Variants in PPP1R13B observed in about 807,000 individuals in gnomAD.
The protein encoded by PPP1R13B is apoptosis-stimulating of p53 protein 1.
PPP1R13B carries 44 observed loss-of-function variants against 119.8 expected under a neutral mutation model. That is an observed-to-expected ratio of 0.37 (90% CI 0.29 to 0.47). The LOEUF is 0.47. Among genes scored for constraint, PPP1R13B ranks in the 20% least tolerant of loss-of-function variants. PPP1R13B has a pLI of 0.99. For missense variants in PPP1R13B, 1,227 were observed against 1,413.5 expected (o/e 0.87, Z 2.12); for synonymous variants, 542 against 561.5 (o/e 0.97, Z 0.49).
intron 1 of PPP1R13B, among the ~76,000 whole-genome samples, chr14:103,819,611 C>T (rs988559218): frequency 4.0e-5 from 6 of 151,614 alleles, no homozygotes; most frequent in East Asian, 1.9e-4. Flanking sequence ...AGAGGTAATG[C>T]AAAATAGAAC....
At chr14:103,798,152 C>CTT (rs768163941) in intron 1 of PPP1R13B, among the ~76,000 whole-genome samples, 13,374 of 129,104 alleles carry the variant, frequency 0.1, 1,209 homozygotes, top group African/African-American at 0.21. Flanking sequence ...ATAATAATCT[C>CTT]TTTTTTTTTT....
intron 1 of PPP1R13B, among the ~76,000 whole-genome samples, chr14:103,801,171 T>C (rs527382114): frequency 1.3e-5 from 2 of 152,230 alleles, no homozygotes; most frequent in South Asian, 4.1e-4. Flanking sequence ...TTTCTAAAAG[T>C]CAAATAAAGT....
intron 3 of PPP1R13B, among the ~76,000 whole-genome samples, chr14:103,782,783 T>C (rs980713702): frequency 2.6e-5 from 4 of 152,108 alleles, no homozygotes; most frequent in African/African-American, 7.2e-5. Flanking sequence ...TGTGTGTGTA[T>C]ATATTTTTTC....
intron 2 of PPP1R13B, among the ~76,000 whole-genome samples, chr14:103,795,176 G>A (rs775938788): frequency 1.1e-4 from 17 of 152,108 alleles, no homozygotes; most frequent in Admixed American, 1.3e-4. Context: ...GGCTTCAAGT[G>A]ATCCACCCGC....
rs2084160751 is a variant in PPP1R13B, at chr14:103,738,179, ATGTG to A, written c.2865-323_2865-320del. ...TAGCTAAGATGTGAAATTTTATGTT[ATGTG>A]TATTTTACCACGATTCAAATGCAGC... On this transcript the variant is annotated intron_variant, in intron 14 of 16. Transcript: ENST00000202556. This position sits in a 1 kb window ranked among gnomAD's most constrained non-coding sequence, Gnocchi z 5.6. 6.6e-6 allele frequency among the ~76,000 whole-genome samples: 1 copy of A among 152,244 alleles called. No individual in the cohort carries two copies. Among genetic ancestry groups the A allele is most frequent in the African/African-American group, 2.4e-5 (1 of 41,470 alleles).
At chr14:103,746,646 A>ACT in intron 8 of PPP1R13B, 93 bp from the exon 9 acceptor site, 1 of 1,172,852 alleles carries the variant, frequency 8.5e-7, no homozygotes, top group Non-Finnish European at 1.2e-6. Context: ...GACAGAAAGC[A>ACT]CTCACTCAGT....
Position 103,740,251 on chromosome 14 carries a change from A to G in PPP1R13B, c.2165T>C (p.Ile722Thr). Reference sequence around the variant, plus strand: ...GAAGCGCTGGTACAGCAGCTTCTGGATGTTGGGCCCGCCGGGGCCCTCGGG... The same window carrying G: ...GAAGCGCTGGTACAGCAGCTTCTGGGTGTTGGGCCCGCCGGGGCCCTCGGG... ...TEPEGPGGPN[I>T]QKLLYQRFNT... Residue 722 changes from isoleucine (I) to threonine (T), a missense_variant, in exon 12 of 17, where the codon ATC (isoleucine) becomes ACC (threonine). Coordinates refer to ENST00000202556, the MANE Select transcript of PPP1R13B (RefSeq NM_015316.3). This position sits in a 1 kb window ranked among gnomAD's most constrained non-coding sequence, Gnocchi z 4.6. 1.9e-6 allele frequency: 3 copies of G among 1,606,772 alleles called. No individual in the cohort carries two copies. Among genetic ancestry groups the G allele is most frequent in the Non-Finnish European group, 2.6e-6 (3 of 1,175,506 alleles).
intron 3 of PPP1R13B, among the ~76,000 whole-genome samples, chr14:103,781,813 G>C (rs1370351619): frequency 2.0e-5 from 3 of 152,012 alleles, no homozygotes; most frequent in Admixed American, 6.6e-5. Context: ...CACCACACTC[G>C]GCTAATTTTT....
intron 1 of PPP1R13B, among the ~76,000 whole-genome samples, chr14:103,837,885 A>G (rs1326748351): frequency 6.6e-5 from 10 of 152,130 alleles, no homozygotes; most frequent in Non-Finnish European, 1.5e-5. Flanking sequence ...TTGGGAGGCC[A>G]AGGCAGACAG....
intron 15 of PPP1R13B, 162 bp downstream of exon 15, chr14:103,737,532 C>T (rs912894349): frequency 2.9e-5 from 27 of 915,558 alleles, no homozygotes; most frequent in African/African-American, 1.2e-4. Flanking sequence ...GCCATGATTG[C>T]GACATTGCAC....
chr14:103,835,494 G>C (rs1488512397), intron 1 of PPP1R13B, among the ~76,000 whole-genome samples: 1 of 149,896 alleles, frequency 6.7e-6, no homozygotes, highest in Non-Finnish European at 1.5e-5. Context: ...ACAGTGGTGT[G>C]ATCATACCTC....
At chr14:103,773,851 A>G (rs977636167) in intron 4 of PPP1R13B, among the ~76,000 whole-genome samples, 2 of 152,232 alleles carry the variant, frequency 1.3e-5, no homozygotes, top group Non-Finnish European at 2.9e-5. Context: ...CTCTCCTGGC[A>G]TAAGTCTAAA....
At chr14:103,791,620 G>C (rs1053447827) in intron 2 of PPP1R13B, among the ~76,000 whole-genome samples, 1 of 152,126 alleles carries the variant, frequency 6.6e-6, no homozygotes. Context: ...AGCTACTCGG[G>C]AGGCTGAGGT....
At chr14:103,811,855 GATC>G (rs1219972261) in intron 1 of PPP1R13B, among the ~76,000 whole-genome samples, 1 of 151,532 alleles carries the variant, frequency 6.6e-6, no homozygotes, top group Admixed American at 6.6e-5. Flanking sequence ...AGGAGATCAA[GATC>G]ATCCTGGCTA....
In PPP1R13B at chr14:103,756,709, T is replaced by C. The variant is rs182710006; in HGVS notation, c.456+941A>G. Among the ~76,000 whole-genome samples, 3 of 152,190 alleles carry C rather than the reference T, an allele frequency of 2.0e-5. No individual in the cohort carries two copies. The East Asian group carries it at 5.8e-4, about 29-fold the overall frequency. On this transcript the variant is annotated intron_variant, in intron 5 of 16. Coordinates refer to ENST00000202556, the MANE Select transcript of PPP1R13B (RefSeq NM_015316.3). ...AATACCAATGACACAGCCAAGAACATACCCAGAGGCAAAAGGAGATAACAA... is the reference window on the plus strand; with the variant it reads ...AATACCAATGACACAGCCAAGAACACACCCAGAGGCAAAAGGAGATAACAA...
intron 2 of PPP1R13B, among the ~76,000 whole-genome samples, chr14:103,793,095 G>GGAGGGGAGGGAAGGGGAGGGAAGGC (rs1216945641): frequency 8.6e-5 from 12 of 139,766 alleles, no homozygotes; most frequent in Non-Finnish European, 1.4e-4. Context: ...GGAAGGAAGG[G>GGAGGGGAGGGAAGGGGAGGGAAGGC]GAGGGGAGGG....
intron 6 of PPP1R13B, 88 bp from the exon 7 acceptor site, chr14:103,753,284 C>T (rs941743881): frequency 1.5e-6 from 2 of 1,307,848 alleles, no homozygotes; most frequent in African/African-American, 3.0e-5. Context: ...ATTCTAGTAT[C>T]ATTTAGTGCC....
At chr14:103,814,853 G>C (rs2086241282) in intron 1 of PPP1R13B, among the ~76,000 whole-genome samples, 1 of 152,026 alleles carries the variant, frequency 6.6e-6, no homozygotes, top group Non-Finnish European at 1.5e-5. Flanking sequence ...GCTGAGGCAG[G>C]AGACAGGTGT....
chr14:103,761,301 A>T lies in PPP1R13B; in HGVS notation c.355-3550T>A, dbSNP rs2084800611. 3.5e-5 allele frequency among the ~76,000 whole-genome samples: 5 copies of T among 144,796 alleles called. 1 individual carries two copies. The South Asian group carries it at 1.1e-3, about 32-fold the overall frequency. 95.0% of individuals were successfully genotyped at this position (144,796 alleles called of 152,430 possible). ...AAAAAAAAAAAAAAAAAAAAAAAAG[A>T]ATTTTGCTATGTGCCAAAAAGTAGT... On this transcript the variant is annotated intron_variant, in intron 4 of 16. Transcript: ENST00000202556.
Sources: gnomAD v4.1 joint callset for allele counts (sites outside exome capture counted in the v4.1 genomes callset) on GRCh38, gnomAD v4.1.1 for gene constraint, Gnocchi (gnomAD v3.1) non-coding constraint, MANE v1.5 for transcripts, NCBI Gene and HGNC (gene_info 2026-07-23, HGNC 2026-07-21) for gene names.